The following UNC13C variants were observed in gnomAD, a reference collection of about 807,000 sequenced individuals.
The protein encoded by UNC13C is unc-13 homolog C, also known as protein unc-13 homolog C.
A neutral mutation model predicts 245.4 loss-of-function variants in UNC13C; 174 were observed. That is an observed-to-expected ratio of 0.71 (90% CI 0.63 to 0.80). The LOEUF is 0.80. Ranked by LOEUF, UNC13C falls within the 30% of genes least tolerant of loss-of-function variation. The pLI, the probability that UNC13C is intolerant of heterozygous loss-of-function variation, is 0.00. For missense variants in UNC13C, 2,829 were observed against 2,602.9 expected, an observed-to-expected ratio of 1.09 and a Z score of -1.89; for synonymous variants, 992 against 895.1, an observed-to-expected ratio of 1.11 and a Z score of -1.93.
At chr15:53,966,478 A>G in the UNC13C span, among the ~76,000 whole-genome samples, 7,140 of 152,282 alleles carry the variant, frequency 0.047, 273 homozygotes, top group African/African-American at 0.1. Context: ...ATAGCAGATT[A>G]TACTCTTTAT....
At chr15:54,266,842 T>C (rs889231103) in intron 10 of UNC13C, among the ~76,000 whole-genome samples, 1 of 152,080 alleles carries the variant, frequency 6.6e-6, no homozygotes, top group African/African-American at 2.4e-5. Context: ...TGGTTTGCTT[T>C]CTGATGCTAT....
At chr15:54,096,309 G>A (rs1020436503) in intron 2 of UNC13C, among the ~76,000 whole-genome samples, 1 of 143,850 alleles carries the variant, frequency 7.0e-6, no homozygotes, top group Non-Finnish European at 1.5e-5. Flanking sequence ...TCATCACATG[G>A]TCTTTTGATG....
intron 17 of UNC13C, among the ~76,000 whole-genome samples, chr15:54,371,045 A>C (rs186785635): frequency 6.6e-6 from 1 of 152,128 alleles, no homozygotes; most frequent in African/African-American, 2.4e-5. Flanking sequence ...CTCTCTTAGC[A>C]CTTTTCAAGA....
chr15:54,606,640 G>C (rs1256608327), intron 30 of UNC13C, among the ~76,000 whole-genome samples: 1 of 152,178 alleles, frequency 6.6e-6, no homozygotes, highest in East Asian at 1.9e-4. Context: ...AATCCTCGTA[G>C]TACCATAAAA....
intron 4 of UNC13C, among the ~76,000 whole-genome samples, chr15:54,216,890 T>C (rs1012706247): frequency 6.6e-6 from 1 of 151,984 alleles, no homozygotes; most frequent in Non-Finnish European, 1.5e-5. Flanking sequence ...GGATGAGTGA[T>C]CATGACAACA....
At position 54,321,925 on chromosome 15, in the gene UNC13C, T is replaced by A. The variant is rs1283201172; in HGVS notation, c.4269-14T>A. ...TTTCTGTCTTAAAAACACTTTATGT[T>A]TTTTGTCTTTCAGGCACTTTTCATG... is the stretch of plus-strand genomic sequence containing the variant. On this transcript the variant is annotated splice_polypyrimidine_tract_variant and intron_variant, in intron 13 of 32. Transcript: ENST00000260323. 6.4e-7 allele frequency: 1 copy of A among 1,552,548 alleles called. No individual in the cohort carries two copies. The highest frequency in any genetic ancestry group is 2.4e-5 in the East Asian group (1 of 41,824).
chr15:54,596,166 A>G (rs1899071848), intron 30 of UNC13C, among the ~76,000 whole-genome samples: 1 of 152,178 alleles, frequency 6.6e-6, no homozygotes, highest in South Asian at 2.1e-4. Flanking sequence ...GAAATGTGTT[A>G]AGTTCCATCT....
the UNC13C span, among the ~76,000 whole-genome samples, chr15:53,942,413 G>A: frequency 6.6e-6 from 1 of 152,008 alleles, no homozygotes; most frequent in East Asian, 1.9e-4. Flanking sequence ...GGGGATGAGG[G>A]GAGAGAGAGC....
At chr15:54,311,992 T>G (rs2037885653) in intron 13 of UNC13C, among the ~76,000 whole-genome samples, 1 of 151,810 alleles carries the variant, frequency 6.6e-6, no homozygotes, top group African/African-American at 2.4e-5. Flanking sequence ...AGGCAAAATT[T>G]GAATTAGCAA....
intron 30 of UNC13C, among the ~76,000 whole-genome samples, chr15:54,593,360 A>G (rs1898904744): frequency 6.6e-6 from 1 of 152,136 alleles, no homozygotes; most frequent in Admixed American, 6.5e-5. Context: ...CCAGGTTTCT[A>G]TCAAGGCCAG....
intron 2 of UNC13C, among the ~76,000 whole-genome samples, chr15:54,134,675 A>G (rs1595895059): frequency 6.6e-6 from 1 of 150,376 alleles, no homozygotes; most frequent in Non-Finnish European, 1.5e-5. Flanking sequence ...GCCAGCCACC[A>G]CGCCTGGCTA....
intron 2 of UNC13C, among the ~76,000 whole-genome samples, chr15:54,107,801 T>C (rs1171985184): frequency 6.6e-6 from 1 of 152,218 alleles, no homozygotes; most frequent in East Asian, 1.9e-4. Context: ...TGAGAATAGA[T>C]TAGGTCATCT....
intron 19 of UNC13C, among the ~76,000 whole-genome samples, chr15:54,487,189 C>T (rs1301013618): frequency 6.6e-6 from 1 of 152,084 alleles, no homozygotes; most frequent in South Asian, 2.1e-4. Context: ...TTAATGAACC[C>T]AGGGATCCTG....
At chr15:54,209,184 G>A (rs964971385) in intron 4 of UNC13C, among the ~76,000 whole-genome samples, 2 of 152,132 alleles carry the variant, frequency 1.3e-5, no homozygotes, top group African/African-American at 4.8e-5. Flanking sequence ...TTTCAGAGTA[G>A]AACTGGAAGC....
intron 1 of UNC13C, among the ~76,000 whole-genome samples, chr15:54,010,529 A>G (rs570685297): frequency 1.6e-4 from 24 of 152,300 alleles, no homozygotes; most frequent in African/African-American, 5.1e-4. Context: ...GCATGGAAAA[A>G]GGCCCTTTAG....
At chr15:54,562,644 C>G (rs1327386174) in intron 29 of UNC13C, among the ~76,000 whole-genome samples, 2 of 152,028 alleles carry the variant, frequency 1.3e-5, no homozygotes, top group Non-Finnish European at 1.5e-5. Flanking sequence ...TGTATTGGTG[C>G]TCCTTCTGTT....
chr15:54,006,179 C>A (rs966401788), intron 1 of UNC13C, among the ~76,000 whole-genome samples: 3 of 152,054 alleles, frequency 2.0e-5, no homozygotes, highest in Non-Finnish European at 2.9e-5. Flanking sequence ...CTTTGTAGAT[C>A]CTAAGTGCTA....
chr15:54,342,866 C>T (rs2038767978), intron 17 of UNC13C, among the ~76,000 whole-genome samples: 1 of 152,116 alleles, frequency 6.6e-6, no homozygotes, highest in Non-Finnish European at 1.5e-5. Flanking sequence ...TATATAACCA[C>T]ATACTTGTTC....
chr15:54,232,333 G>T (rs151217765), intron 4 of UNC13C, among the ~76,000 whole-genome samples: 91 of 152,206 alleles, frequency 6.0e-4, no homozygotes, highest in African/African-American at 2.1e-3. Flanking sequence ...ATGAATTTTG[G>T]ATACATGTCT....
Sources: allele counts gnomAD v4.1 joint callset (sites outside exome capture counted in the v4.1 genomes callset), GRCh38; gene constraint gnomAD v4.1.1; transcripts MANE v1.5; gene names NCBI Gene and HGNC (gene_info 2026-07-23, HGNC 2026-07-21).